CCDC68: variants seen among roughly 807,000 people sequenced by gnomAD.
The protein encoded by CCDC68 is coiled-coil domain-containing protein 68.
CCDC68 carries 45 observed loss-of-function variants against 47.1 expected under a neutral mutation model. The ratio of observed to expected loss-of-function variants is 0.96; its 90% CI spans 0.75 to 1.23. CCDC68 has a LOEUF of 1.23. Among genes scored for constraint, CCDC68 ranks in the 50% most tolerant of loss-of-function variants. The pLI is 0.00. For missense variants in CCDC68, 353 were observed against 373.6 expected (o/e 0.94, Z 0.45); for synonymous variants, 131 against 129.5 (o/e 1.01, Z -0.08).
At position 54,904,229 on chromosome 18, in the gene CCDC68, G is replaced by C. The variant is rs1913849695; in HGVS notation, c.*129C>G. ...TTCTGAAATGTCATCTTCTTGCAAA[G>C]CCATTGGTATGTAATAAGTTCCATT... On this transcript the variant is annotated 3_prime_UTR_variant, in exon 12 of 12. Transcript: ENST00000591504. 4.5e-6 allele frequency: 3 copies of C among 673,770 alleles called. No individual in the cohort carries two copies. The highest frequency in any genetic ancestry group is 1.8e-5 in the African/African-American group (1 of 55,186). 41.7% of individuals were successfully genotyped at this position (673,770 alleles called of 1,614,324 possible). A position where few individuals can be genotyped will look rare whatever the true frequency, so the allele number is the denominator to read the frequency against.
intron 8 of CCDC68, among the ~76,000 whole-genome samples, chr18:54,923,153 G>A (rs562299259): frequency 1.3e-5 from 2 of 152,288 alleles, no homozygotes; most frequent in East Asian, 3.9e-4. Flanking sequence ...GTCAGACTCA[G>A]GACTTTCCCA....
chr18:54,934,114 A>C (rs2044306570), intron 7 of CCDC68, among the ~76,000 whole-genome samples: 2 of 152,212 alleles, frequency 1.3e-5, no homozygotes, highest in Non-Finnish European at 2.9e-5. Flanking sequence ...TCAGTTTCAG[A>C]GATGCCAGTT....
At chr18:54,933,117 A>C (rs8089866) in intron 7 of CCDC68, among the ~76,000 whole-genome samples, 34,693 of 151,986 alleles carry the variant, frequency 0.23, 4,398 homozygotes, top group African/African-American at 0.35. Flanking sequence ...GAGTCTCGCT[A>C]TGTCACCAGG....
chr18:54,916,503 C>T (rs191411527), intron 10 of CCDC68, among the ~76,000 whole-genome samples: 42 of 152,212 alleles, frequency 2.8e-4, no homozygotes, highest in Middle Eastern at 3.4e-3. Flanking sequence ...GGCAACATTA[C>T]GCTGGCAGGT....
intron 6 of CCDC68, among the ~76,000 whole-genome samples, chr18:54,935,309 C>A (rs1221989449): frequency 1.3e-5 from 2 of 152,158 alleles, no homozygotes; most frequent in Non-Finnish European, 2.9e-5. Context: ...AATTAAAACA[C>A]GTTTTATGTT....
intron 10 of CCDC68, among the ~76,000 whole-genome samples, chr18:54,914,437 G>C (rs1167647572): frequency 2.0e-5 from 3 of 152,064 alleles, no homozygotes; most frequent in African/African-American, 7.2e-5. Flanking sequence ...GGCCAACATG[G>C]TGAAACCTTG....
At chr18:54,943,478 C>T (rs1266406572) in intron 2 of CCDC68, among the ~76,000 whole-genome samples, 1 of 151,940 alleles carries the variant, frequency 6.6e-6, no homozygotes, top group Admixed American at 6.6e-5. Flanking sequence ...TATTATCTAA[C>T]TATGAAATAA....
At chr18:54,920,001 T>C (rs1599040297) in intron 8 of CCDC68, among the ~76,000 whole-genome samples, 1 of 152,166 alleles carries the variant, frequency 6.6e-6, no homozygotes, top group Non-Finnish European at 1.5e-5. Context: ...TCCATCATTA[T>C]GGAAAAAAAA....
At chr18:54,915,688 G>A (rs1238987375) in intron 10 of CCDC68, among the ~76,000 whole-genome samples, 1 of 152,168 alleles carries the variant, frequency 6.6e-6, no homozygotes, top group Non-Finnish European at 1.5e-5. Flanking sequence ...CAGCACCTTA[G>A]GAGGCCGAGG....
In CCDC68 at chr18:54,903,140, C is replaced by T. The variant is rs1913778329; in HGVS notation, c.*1218G>A. ...ATTACATCATCTCATTTTTATATAC[C>T]TTCAAATATTTATAGACAACACTGA... On this transcript the variant is annotated 3_prime_UTR_variant, in exon 12 of 12. Transcript: ENST00000591504. 6.6e-6 allele frequency: 1 copy of T among 151,998 alleles called. No homozygotes were observed. Among genetic ancestry groups the T allele is most frequent in the Non-Finnish European group, 1.5e-5 (1 of 67,996 alleles). 9.4% of individuals were successfully genotyped at this position (151,998 alleles called of 1,614,324 possible). A position where few individuals can be genotyped will look rare whatever the true frequency, so the allele number is the denominator to read the frequency against.
chr18:54,940,608 A>G (rs927199053), intron 4 of CCDC68, among the ~76,000 whole-genome samples: 151 of 152,164 alleles, frequency 9.9e-4, no homozygotes, highest in African/African-American at 3.6e-3. Context: ...GTGCATTCAA[A>G]CTTATCAACT....
chr18:54,916,263 G>C (rs2043950666), intron 10 of CCDC68, among the ~76,000 whole-genome samples: 1 of 152,180 alleles, frequency 6.6e-6, no homozygotes, highest in Non-Finnish European at 1.5e-5. Context: ...TCTAAAGACA[G>C]TGCGAGGTTC....
Position 54,903,516 on chromosome 18 carries a change from A to G in CCDC68, c.*842T>C, listed in dbSNP as rs1054293868. 2 of 152,106 alleles carry G rather than the reference A, an allele frequency of 1.3e-5. No individual in the cohort carries two copies. Among genetic ancestry groups the G allele is most frequent in the Non-Finnish European group, 2.9e-5 (2 of 68,012 alleles). The allele number at this position is 152,106 out of a possible 1,614,324, so 9.4% of individuals were successfully genotyped here. A position where few individuals can be genotyped will look rare whatever the true frequency, so the allele number is the denominator to read the frequency against. ...ATTCCTTTGAGCCTATAATATATAC[A>G]TTTTCATGGAAGTATGAGCTAACAG... On this transcript the variant is annotated 3_prime_UTR_variant, in exon 12 of 12. Coordinates refer to ENST00000591504, the MANE Select transcript of CCDC68 (RefSeq NM_025214.3).
intron 8 of CCDC68, among the ~76,000 whole-genome samples, chr18:54,923,944 C>T (rs1025435724): frequency 6.6e-6 from 1 of 152,014 alleles, no homozygotes; most frequent in South Asian, 2.1e-4. Flanking sequence ...AGTGATCTGC[C>T]CACCTCAGCC....
chr18:54,917,840 G>GACAC (rs59686916), intron 10 of CCDC68, 73 bp downstream of exon 10: 852 of 724,490 alleles, frequency 1.2e-3, no homozygotes, highest in South Asian at 1.9e-3. Flanking sequence ...CACGTGCACA[G>GACAC]ACACACACAC....
intron 7 of CCDC68, among the ~76,000 whole-genome samples, chr18:54,930,083 G>A (rs2145495615): frequency 6.6e-6 from 1 of 152,094 alleles, no homozygotes; most frequent in Non-Finnish European, 1.5e-5. Context: ...TAATCCCAAA[G>A]GTTATGATTT....
At chr18:54,912,914 C>A (rs917523886) in intron 10 of CCDC68, among the ~76,000 whole-genome samples, 4 of 152,298 alleles carry the variant, frequency 2.6e-5, no homozygotes, top group African/African-American at 9.6e-5. Context: ...ACCATGAGAA[C>A]AGTACAGGGG....
intron 3 of CCDC68, among the ~76,000 whole-genome samples, chr18:54,941,865 T>C (rs1361564237): frequency 6.6e-6 from 1 of 152,144 alleles, no homozygotes; most frequent in East Asian, 1.9e-4. Flanking sequence ...GTGTGATCTC[T>C]GCTCACTGTA....
intron 10 of CCDC68, among the ~76,000 whole-genome samples, chr18:54,914,723 A>G (rs1028503417): frequency 1.3e-5 from 2 of 152,192 alleles, no homozygotes; most frequent in South Asian, 2.1e-4. Flanking sequence ...TACTGTAGAG[A>G]GTCTGCCACA....
Sources: gnomAD v4.1 joint callset for allele counts (sites outside exome capture counted in the v4.1 genomes callset) on GRCh38, gnomAD v4.1.1 for gene constraint, MANE v1.5 for transcripts, NCBI Gene and HGNC (gene_info 2026-07-23, HGNC 2026-07-21) for gene names.